Variants in CCNC observed in about 807,000 individuals in gnomAD.
The protein encoded by CCNC is cyclin C.
A neutral mutation model predicts 50.0 loss-of-function variants in CCNC; 19 were observed. The ratio of observed to expected loss-of-function variants is 0.38; its 90% CI spans 0.27 to 0.56. The LOEUF (loss-of-function observed/expected upper bound fraction) is 0.56, where lower values mean the gene tolerates loss of function less well. Ranked by LOEUF, CCNC falls within the 20% of genes least tolerant of loss-of-function variation. The probability of loss-of-function intolerance (pLI) is 0.72; values close to 1 mark genes in which losing one functional copy is unlikely to be tolerated. For synonymous variants in CCNC, 93 were observed against 103.7 expected (o/e 0.90, Z 0.63); for missense variants, 200 against 327.1 (o/e 0.61, Z 3.00).
intron 4 of CCNC, among the ~76,000 whole-genome samples, chr6:99,559,776 G>A (rs1476409984): frequency 6.8e-6 from 1 of 147,010 alleles, no homozygotes; most frequent in East Asian, 2.0e-4. Context: ...CTGGAGTACA[G>A]TGGCATAGTC....
chr6:99,544,264 C>G (rs1283185431), intron 11 of CCNC: 3 of 1,534,860 alleles, frequency 2.0e-6, no homozygotes, highest in Non-Finnish European at 2.6e-6. Context: ...GAGAATCACT[C>G]AGGGAATTTC....
At chr6:99,567,096 T>G in intron 1 of CCNC, 1 of 246,224 alleles carries the variant, frequency 4.1e-6, no homozygotes, top group South Asian at 4.0e-5. Flanking sequence ...TTTATAATAA[T>G]TTTATATTTG....
At chr6:99,556,876 G>A (rs894114021) in intron 5 of CCNC, among the ~76,000 whole-genome samples, 1 of 152,192 alleles carries the variant, frequency 6.6e-6, no homozygotes, top group African/African-American at 2.4e-5. Context: ...AGCCAAGATC[G>A]TGCCACTGCA....
intron 11 of CCNC, among the ~76,000 whole-genome samples, chr6:99,544,617 T>G (rs370175051): frequency 7.2e-5 from 11 of 152,208 alleles, no homozygotes; most frequent in East Asian, 5.8e-4. Context: ...CAAAAATATA[T>G]TCTTATGTGC....
intron 1 of CCNC, among the ~76,000 whole-genome samples, chr6:99,567,461 T>C (rs1038571522): frequency 3.3e-5 from 5 of 152,012 alleles, no homozygotes; most frequent in Admixed American, 1.3e-4. Context: ...TGGTAAAGCT[T>C]CTTTAACATG....
In CCNC at chr6:99,558,520, A is replaced by G. The variant is rs1353473261; in HGVS notation, c.323T>C (p.Leu108Ser). 3.1e-6 allele frequency: 5 copies of G among 1,608,636 alleles called. No homozygotes were observed. Residue 108 changes from leucine (L) to serine (S), a missense_variant, in exon 5 of 12, where the codon TTG becomes TCG. Leu to Ser is a moderately radical substitution (Grantham distance 145, BLOSUM62 -2). Transcript: ENST00000520429. ...ACATACAGAAGTAGCAGCAGCAATC[A>G]ATCTTGTATTTGAAACTACTCCAAA... The part of the protein sequence containing the change: ...EEFGVVSNTR[L>S]IAAATSVLKT...
intron 4 of CCNC, among the ~76,000 whole-genome samples, chr6:99,560,229 G>A (rs567906462): frequency 6.6e-6 from 1 of 151,858 alleles, no homozygotes; most frequent in African/African-American, 2.4e-5. Context: ...ATTATTACAT[G>A]GTAATATTTA....
chr6:99,542,505 A>G lies in CCNC; in HGVS notation c.*1050T>C, dbSNP rs76988796. 6.6e-6 allele frequency: 1 copy of G among 152,642 alleles called. No individual in the cohort carries two copies. Among genetic ancestry groups the G allele is most frequent in the Admixed American group, 6.5e-5 (1 of 15,276 alleles). 9.5% of individuals were successfully genotyped at this position (152,642 alleles called of 1,614,324 possible). Reference sequence around the variant, plus strand: ...TCCTTAAATTGTGCATCAATATCCTATGACTCCAAATTTTATTTATCACTC... The same window carrying G: ...TCCTTAAATTGTGCATCAATATCCTGTGACTCCAAATTTTATTTATCACTC... On this transcript the variant is annotated 3_prime_UTR_variant, in exon 12 of 12. Transcript: ENST00000520429.
chr6:99,563,000 C>T, intron 1 of CCNC, 52 bp from the exon 2 acceptor site: 1 of 1,113,812 alleles, frequency 9.0e-7, no homozygotes, highest in Non-Finnish European at 1.3e-6. Context: ...AGGAAACACT[C>T]TAAGATTGAA....
At chr6:99,563,730 C>CAGAGTAT (rs1768966841) in intron 1 of CCNC, among the ~76,000 whole-genome samples, 1 of 152,106 alleles carries the variant, frequency 6.6e-6, no homozygotes, top group Non-Finnish European at 1.5e-5. Context: ...TATTTTGGTA[C>CAGAGTAT]AAAGTAGGGA....
rs1768922392 is a variant in CCNC, at chr6:99,563,027, T to C, written c.33-79A>G. The C allele has an allele frequency of 7.8e-6, 7 of 895,326 alleles. No homozygotes were observed. In the East Asian group the frequency reaches 1.8e-4, roughly 22 times the overall value. 55.5% of individuals were successfully genotyped at this position (895,326 alleles called of 1,614,324 possible). On this transcript the variant is annotated intron_variant, in intron 1 of 11. Transcript: ENST00000520429. Reference sequence around the variant, plus strand: ...AAGATTGAACACATTGTTCATATTCTGAGAAGTACAAAGTGCAAAAAGTAA... The same window carrying C: ...AAGATTGAACACATTGTTCATATTCCGAGAAGTACAAAGTGCAAAAAGTAA...
chr6:99,560,327 C>CCACT (rs1358770064), intron 4 of CCNC, among the ~76,000 whole-genome samples: 2 of 152,128 alleles, frequency 1.3e-5, no homozygotes, highest in Non-Finnish European at 2.9e-5. Flanking sequence ...TCTTAAACTA[C>CCACT]CACTCACAAT....
At chr6:99,566,862 TA>T in intron 1 of CCNC, 1 of 428,914 alleles carries the variant, frequency 2.3e-6, no homozygotes, top group South Asian at 1.7e-5. Flanking sequence ...AAATATAGCA[TA>T]TTTAATATCA....
intron 9 of CCNC, 60 bp from the exon 10 acceptor site, chr6:99,546,534 T>A (rs1802077841): frequency 9.4e-7 from 1 of 1,064,616 alleles, no homozygotes; most frequent in Non-Finnish European, 1.4e-6. Context: ...ATATATGATC[T>A]AACAAAGATT....
intron 6 of CCNC, among the ~76,000 whole-genome samples, 194 bp from the exon 7 acceptor site, chr6:99,551,222 AATTATG>A (rs1459328730): frequency 1.1e-4 from 17 of 152,132 alleles, no homozygotes; most frequent in African/African-American, 2.7e-4. Flanking sequence ...TTAGAAATGC[AATTATG>A]ATTATAAGGA....
At chr6:99,555,422 G>A (rs1180064065) in intron 5 of CCNC, among the ~76,000 whole-genome samples, 1 of 126,434 alleles carries the variant, frequency 7.9e-6, no homozygotes, top group Non-Finnish European at 1.6e-5. Flanking sequence ...TGCAGCATAA[G>A]ACATTGTGGA....
At chr6:99,545,386 G>C (rs1270513212) in intron 10 of CCNC, among the ~76,000 whole-genome samples, 156 bp from the exon 11 acceptor site, 1 of 152,156 alleles carries the variant, frequency 6.6e-6, no homozygotes, top group Non-Finnish European at 1.5e-5. Flanking sequence ...CCACAGTGCT[G>C]TTTAGGATTT....
intron 1 of CCNC, 21 bp from the exon 2 acceptor site, chr6:99,562,969 A>G (rs1044248485): frequency 1.4e-6 from 2 of 1,454,090 alleles, no homozygotes; most frequent in Non-Finnish European, 1.9e-6. Context: ...CATGTTACAG[A>G]AAATCAACAA....
intron 9 of CCNC, chr6:99,549,288 CAAAAAAAA>C: frequency 2.0e-6 from 1 of 487,872 alleles, no homozygotes; most frequent in Non-Finnish European, 3.6e-6. Flanking sequence ...TGAATGGTTT[CAAAAAAAA>C]AAAAAAAAAA....
Sources: gnomAD v4.1 joint callset for allele counts (sites outside exome capture counted in the v4.1 genomes callset) on GRCh38, gnomAD v4.1.1 for gene constraint, MANE v1.5 for transcripts, NCBI Gene and HGNC (gene_info 2026-07-23, HGNC 2026-07-21) for gene names.